YPEL2: variants seen among roughly 807,000 people sequenced by gnomAD.
YPEL2 encodes yippee like 2, also known as protein yippee-like 2.
YPEL2 carries 2 observed loss-of-function variants against 19.1 expected under a neutral mutation model. The ratio of observed to expected loss-of-function variants is 0.10; its 90% CI spans 0.04 to 0.33. The LOEUF is 0.33. Among genes scored for constraint, YPEL2 ranks in the 10% least tolerant of loss-of-function variants. The pLI is 1.00. For synonymous variants in YPEL2, 52 were observed against 50.0 expected (o/e 1.04, Z -0.17); for missense variants, 66 against 140.7 (o/e 0.47, Z 2.68).
In YPEL2 at chr17:59,398,341, T is replaced by G. The variant is rs560605594; in HGVS notation, c.*1151T>G. 3 of 152,300 alleles carry G rather than the reference T, an allele frequency of 2.0e-5. No homozygotes were observed. The allele number at this position is 152,300 out of a possible 1,614,324, so 9.4% of individuals were successfully genotyped here. ...AGTTTCGGGTGTTTTTCTCCAGTCT[T>G]GTTACTGTAGACTGTAGAAAGCACG... On this transcript the variant is annotated 3_prime_UTR_variant, in exon 5 of 5. Coordinates refer to ENST00000312655, the MANE Select transcript of YPEL2 (RefSeq NM_001005404.4).
intron 2 of YPEL2, among the ~76,000 whole-genome samples, chr17:59,360,607 A>G (rs957116543): frequency 1.3e-5 from 2 of 152,062 alleles, no homozygotes; most frequent in Non-Finnish European, 2.9e-5. Context: ...GCTCTTTTGT[A>G]CTCCTCTAGA....
chr17:59,387,224 A>C (rs1362255242), intron 2 of YPEL2, among the ~76,000 whole-genome samples: 2 of 136,122 alleles, frequency 1.5e-5, no homozygotes, highest in Non-Finnish European at 3.0e-5. Context: ...GCGCAACTGC[A>C]CTCTGGTCTG....
intron 1 of YPEL2, among the ~76,000 whole-genome samples, chr17:59,337,091 A>G (rs1357451358): frequency 6.6e-6 from 1 of 152,096 alleles, no homozygotes; most frequent in Non-Finnish European, 1.5e-5. Context: ...ATAGCTTTAT[A>G]TAACTTGTTA....
intron 2 of YPEL2, among the ~76,000 whole-genome samples, chr17:59,379,518 G>A (rs539877206): frequency 3.9e-5 from 6 of 152,142 alleles, no homozygotes; most frequent in Middle Eastern, 3.2e-3. Flanking sequence ...TCACTGAGAC[G>A]CCTAAAAGGA....
intron 1 of YPEL2, among the ~76,000 whole-genome samples, chr17:59,334,398 G>GA (rs2047688528): frequency 6.8e-6 from 1 of 147,968 alleles, no homozygotes; most frequent in Non-Finnish European, 1.5e-5. Flanking sequence ...TTTGGGGGGG[G>GA]GTGAGGAGTC....
intron 1 of YPEL2, among the ~76,000 whole-genome samples, chr17:59,348,544 G>A (rs1259921818): frequency 8.5e-5 from 13 of 152,348 alleles, no homozygotes; most frequent in African/African-American, 1.4e-4. Context: ...TTTGTCTCTC[G>A]AGGTGGTGTA....
At chr17:59,364,480 G>A (rs574976860) in intron 2 of YPEL2, among the ~76,000 whole-genome samples, 186 of 152,176 alleles carry the variant, frequency 1.2e-3, no homozygotes, top group African/African-American at 4.3e-3. Context: ...TCCCCCCTGC[G>A]TCTTCTGAGT....
At position 59,379,796 on chromosome 17, in the gene YPEL2, G is replaced by A. The variant is rs183249886; in HGVS notation, c.118-8531G>A. On this transcript the variant is annotated intron_variant, in intron 2 of 4. Transcript: ENST00000312655. ...TCAATTTTTAAAAGCTCAAGTTTAC[G>A]TTTGTACCAGTAAGTTTTTTTTGTT... Among the ~76,000 whole-genome samples the A allele has an allele frequency of 1.7e-3, 255 of 151,702 alleles. 4 individuals are homozygous for A. Among genetic ancestry groups the A allele is most frequent in the African/African-American group, 5.8e-3 (241 of 41,262 alleles).
At chr17:59,388,304 C>T (rs2047991293) in intron 2 of YPEL2, 23 bp from the exon 3 acceptor site, 6 of 1,613,656 alleles carry the variant, frequency 3.7e-6, no homozygotes, top group Middle Eastern at 1.6e-4. Flanking sequence ...GTCTAACTAT[C>T]GATTTGTTTT....
intron 2 of YPEL2, chr17:59,355,399 A>C (rs1408230413): frequency 6.6e-6 from 1 of 152,180 alleles, no homozygotes; most frequent in African/African-American, 2.4e-5. Flanking sequence ...TTTATGTCTT[A>C]TCTGTTTGGC....
intron 1 of YPEL2, among the ~76,000 whole-genome samples, chr17:59,348,299 C>G (rs1240758735): frequency 1.3e-5 from 2 of 152,252 alleles, no homozygotes; most frequent in Non-Finnish European, 2.9e-5. Flanking sequence ...AGTCCCACTT[C>G]TCAGGTCAGT....
At position 59,342,043 on chromosome 17, in the gene YPEL2, C is replaced by T. The variant is rs58881213; in HGVS notation, c.-196+10219C>T. On this transcript the variant is annotated intron_variant, in intron 1 of 4. Transcript: ENST00000312655. ...CTTCAGTTTTTAAAAAGTTCAATTT[C>T]CAAATTCCAATTGCGGAAAGGCGGG... 2.7e-4 allele frequency among the ~76,000 whole-genome samples: 41 copies of T among 152,346 alleles called. No individual in the cohort carries two copies. In the East Asian group the frequency reaches 7.9e-3, roughly 29 times the overall value.
At chr17:59,332,007 G>T (rs1160111876) in intron 1 of YPEL2, among the ~76,000 whole-genome samples, 183 bp downstream of exon 1, 1 of 151,596 alleles carries the variant, frequency 6.6e-6, no homozygotes, top group Non-Finnish European at 1.5e-5. Flanking sequence ...GGGAGCGGCC[G>T]CCGGGCCACG....
chr17:59,396,046 A>T (rs1006047030), intron 4 of YPEL2, among the ~76,000 whole-genome samples: 1 of 152,126 alleles, frequency 6.6e-6, no homozygotes, highest in African/African-American at 2.4e-5. Context: ...GCACCACTGC[A>T]CTCCAGCCTG....
At chr17:59,383,981 T>A (rs1390540206) in intron 2 of YPEL2, among the ~76,000 whole-genome samples, 1 of 152,112 alleles carries the variant, frequency 6.6e-6, no homozygotes, top group Non-Finnish European at 1.5e-5. Flanking sequence ...AACACTCTCA[T>A]ATAGGTTTTT....
In YPEL2 at chr17:59,397,711, T is replaced by A. The variant is rs540962291; in HGVS notation, c.*521T>A. The A allele has an allele frequency of 6.6e-6, 1 of 151,996 alleles. No homozygotes were observed. The highest frequency in any genetic ancestry group is 1.9e-4 in the East Asian group (1 of 5,158). The allele number at this position is 151,996 out of a possible 1,614,324, so 9.4% of individuals were successfully genotyped here. On this transcript the variant is annotated 3_prime_UTR_variant, in exon 5 of 5. Coordinates refer to ENST00000312655, the MANE Select transcript of YPEL2 (RefSeq NM_001005404.4). ...TAAAAGGACAAAGAGAAAAAAAAAATACCTCATGACTGCATTCTCTCTGAC... is the reference window on the plus strand; with the variant it reads ...TAAAAGGACAAAGAGAAAAAAAAAAAACCTCATGACTGCATTCTCTCTGAC...
At chr17:59,366,042 C>A (rs1341445076) in intron 2 of YPEL2, 1 of 152,826 alleles carries the variant, frequency 6.5e-6, no homozygotes, top group Admixed American at 6.5e-5. Flanking sequence ...CCAGGAGCTC[C>A]TTTTCCTTCT....
rs980634460 is a variant in YPEL2, at chr17:59,400,394, C to T, written c.*3204C>T. 2.0e-5 allele frequency: 3 copies of T among 152,138 alleles called. No homozygotes were observed. Among genetic ancestry groups the T allele is most frequent in the Non-Finnish European group, 2.9e-5 (2 of 67,972 alleles). The allele number at this position is 152,138 out of a possible 1,614,324, so 9.4% of individuals were successfully genotyped here. ...GCTGTTTTCTCAGATCCCCTGAGAG[C>T]ACTTTTTATTTTCCTTTTAAATTCT... On this transcript the variant is annotated 3_prime_UTR_variant, in exon 5 of 5. Transcript: ENST00000312655.
rs1209467757 is a variant in YPEL2, at chr17:59,355,585, T to G, written c.117+2059T>G. The G allele has an allele frequency of 2.6e-5, 4 of 152,184 alleles. No homozygotes were observed. In the East Asian group the frequency reaches 7.7e-4, roughly 29 times the overall value. The allele number at this position is 152,184 out of a possible 1,614,324, so 9.4% of individuals were successfully genotyped here. ...GAGTGTCCGTTCTCCTTCACCTCCC[T>G]CCTCCTACACCTCCCTCCTCTTTCT... On this transcript the variant is annotated intron_variant, in intron 2 of 4. Coordinates refer to ENST00000312655, the MANE Select transcript of YPEL2 (RefSeq NM_001005404.4).
Sources: allele counts gnomAD v4.1 joint callset (sites outside exome capture counted in the v4.1 genomes callset), GRCh38; gene constraint gnomAD v4.1.1; transcripts MANE v1.5; gene names NCBI Gene and HGNC (gene_info 2026-07-23, HGNC 2026-07-21).